The following SERINC2 variants were observed in gnomAD, a reference collection of about 807,000 sequenced individuals.
SERINC2 encodes the protein tumor differentially expressed protein 2.
Under a neutral mutation model 54.2 loss-of-function variants are expected in SERINC2, and 56 were observed. The observed-to-expected ratio is 1.03, with a 90% CI of 0.83 to 1.29. SERINC2 has a LOEUF of 1.29. Among genes scored for constraint, SERINC2 ranks in the 50% most tolerant of loss-of-function variants. SERINC2 has a pLI of 0.00. For synonymous variants in SERINC2, 272 were observed against 253.1 expected, an observed-to-expected ratio of 1.07 and a Z score of -0.71; for missense variants, 614 against 607.4, an observed-to-expected ratio of 1.01 and a Z score of -0.12.
rs782263585 is a variant in SERINC2 at position 31,426,754 on chromosome 1, G to T, written c.711G>T (p.Lys237Asn). 3 of 1,614,162 alleles carry T rather than the reference G, an allele frequency of 1.9e-6. No homozygotes were observed. Reference protein sequence around the residue: ...YTEPSGCHEGKVFISLNLTFC... With the variant: ...YTEPSGCHEGNVFISLNLTFC... ...AGCCCAGCGGCTGCCACGAGGGCAAGGTCTTCATCAGCCTCAACCTCACCT... is the reference window on the plus strand; with the variant it reads ...AGCCCAGCGGCTGCCACGAGGGCAATGTCTTCATCAGCCTCAACCTCACCT... The change falls in exon 6 of 10, where the codon AAG becomes AAT. Residue 237 changes from lysine to asparagine, a missense_variant. Transcript: ENST00000373709.
At chr1:31,411,602 G>T (rs1182789709), upstream of SERINC2, among the ~76,000 whole-genome samples, 1 of 152,108 alleles carries the variant, frequency 6.6e-6, no homozygotes, top group Non-Finnish European at 1.5e-5. Flanking sequence ...ATGGAACCAG[G>T]TAGTGGGTTG....
chr1:31,425,513 C>G, intron 4 of SERINC2, 104 bp downstream of exon 4: 1 of 966,896 alleles, frequency 1.0e-6, no homozygotes, highest in Non-Finnish European at 1.7e-6. Context: ...ACACAGACCC[C>G]TGGCTGCTGG....
chr1:31,424,729 A>G lies in SERINC2; in HGVS notation c.248A>G (p.Gln83Arg). The G allele has an allele frequency of 6.2e-7, 1 of 1,609,904 alleles. No individual in the cohort carries two copies. The highest frequency in any genetic ancestry group is 8.5e-7 in the Non-Finnish European group (1 of 1,178,396). The change falls in exon 3 of 10, where the codon CAG becomes CGG. Residue 83 changes from glutamine to arginine, a missense_variant. By Grantham distance (43) the Gln-to-Arg change is conservative. Transcript: ENST00000373709. ...GGGGCCGGGATCCCCACCGTCCTGCAGGGCCACATCGACTGTGGCTCCCTG... is the reference window on the plus strand; with the variant it reads ...GGGGCCGGGATCCCCACCGTCCTGCGGGGCCACATCGACTGTGGCTCCCTG... ...EEGAGIPTVL[Q>R]GHIDCGSLLG...
intron 8 of SERINC2, among the ~76,000 whole-genome samples, chr1:31,432,046 GAC>G (rs1553134676): frequency 3.8e-5 from 5 of 132,696 alleles, no homozygotes; most frequent in African/African-American, 6.1e-5. Flanking sequence ...GGACAGGGTG[GAC>G]AGGGTGGACA....
intron 3 of SERINC2, 96 bp from the exon 4 acceptor site, chr1:31,425,234 G>A: frequency 2.2e-6 from 2 of 926,476 alleles, no homozygotes; most frequent in South Asian, 1.3e-5. Context: ...AGCACCTGCT[G>A]TTTGTGGGTG....
At chr1:31,425,139 C>A (rs1353807888) in intron 3 of SERINC2, among the ~76,000 whole-genome samples, 191 bp from the exon 4 acceptor site, 2 of 152,122 alleles carry the variant, frequency 1.3e-5, no homozygotes, top group African/African-American at 4.8e-5. Context: ...TTGGTCCTTC[C>A]TCCTGCCCCT....
rs574365822 is a variant in SERINC2 at position 31,424,734 on chromosome 1, C to T, written c.253C>T (p.His85Tyr). Residue 85 changes from histidine to tyrosine, a missense_variant, in exon 3 of 10, where the codon CAC (histidine) becomes TAC (tyrosine). Physicochemically the swap from His to Tyr is moderately conservative, Grantham distance 83. Transcript: ENST00000373709. ...CGGGATCCCCACCGTCCTGCAGGGCCACATCGACTGTGGCTCCCTGCTTGG... is the reference window on the plus strand; with the variant it reads ...CGGGATCCCCACCGTCCTGCAGGGCTACATCGACTGTGGCTCCCTGCTTGG... ...GAGIPTVLQG[H>Y]IDCGSLLGYR... 8.6e-5 allele frequency: 139 copies of T among 1,610,170 alleles called. 5 individuals are homozygous for T. In the South Asian group the frequency reaches 1.5e-3, roughly 17 times the overall value.
In SERINC2 at chr1:31,413,253, G is replaced by A. The variant is rs557957269; in HGVS notation, c.-13G>A. The A allele has an allele frequency of 1.7e-6, 2 of 1,191,586 alleles. No individual in the cohort carries two copies. The highest frequency in any genetic ancestry group is 4.4e-5 in the Admixed American group (1 of 22,560). The allele number at this position is 1,191,586 out of a possible 1,614,324, so 73.8% of individuals were successfully genotyped here. ...CGCCCGGCGCCGGGCGCCCGAAGCC[G>A]GGAGCCGCCGCCATGGGGGCCTGCC... On this transcript the variant is annotated 5_prime_UTR_variant, in exon 1 of 10. Coordinates refer to ENST00000373709, the MANE Select transcript of SERINC2 (RefSeq NM_178865.5). This position sits in a 1 kb window ranked among gnomAD's most constrained non-coding sequence, Gnocchi z 5.0.
At chr1:31,428,858 G>T (rs1641114170) in intron 6 of SERINC2, 120 bp from the exon 7 acceptor site, 3 of 757,748 alleles carry the variant, frequency 4.0e-6, no homozygotes, top group Non-Finnish European at 7.0e-6. Context: ...CCTAAGTGGG[G>T]TGTGGTGGGG....
chr1:31,421,536 A>G (rs1640901606), intron 1 of SERINC2, among the ~76,000 whole-genome samples: 1 of 152,236 alleles, frequency 6.6e-6, no homozygotes, highest in African/African-American at 2.4e-5. Context: ...CATCTGTGTG[A>G]ACGAGAGATA....
chr1:31,414,188 G>T (rs1350301402), intron 1 of SERINC2: 8 of 1,369,184 alleles, frequency 5.8e-6, no homozygotes, highest in African/African-American at 1.5e-5. Context: ...GCCAACCTCT[G>T]TTCTGTAGCT....
intron 1 of SERINC2, chr1:31,414,621 A>G (rs1640740076): frequency 1.0e-6 from 1 of 985,488 alleles, no homozygotes; most frequent in South Asian, 4.7e-5. Context: ...GTGCGTGTGC[A>G]TGTGCGTGTG....
intron 8 of SERINC2, 80 bp downstream of exon 8, chr1:31,429,618 G>A: frequency 6.9e-7 from 1 of 1,447,228 alleles, no homozygotes. Flanking sequence ...TGGGAGCCAG[G>A]ATACCAAACT....
chr1:31,427,490 C>T (rs10914384), intron 6 of SERINC2, among the ~76,000 whole-genome samples: 116,022 of 152,106 alleles, frequency 0.76, 47,805 homozygotes, highest in East Asian at 1. Flanking sequence ...GTAAGAAAAG[C>T]TGAAGCCCAG....
At chr1:31,415,468 A>G (rs1329310872) in intron 1 of SERINC2, among the ~76,000 whole-genome samples, 1 of 152,180 alleles carries the variant, frequency 6.6e-6, no homozygotes, top group East Asian at 1.9e-4. Context: ...AGCCCATTTT[A>G]CAGATAACTA....
chr1:31,414,245 C>A, intron 1 of SERINC2: 3 of 1,343,568 alleles, frequency 2.2e-6, no homozygotes, highest in Non-Finnish European at 2.8e-6. Flanking sequence ...GCTGGGAGGC[C>A]CGTTCTCCCT....
At chr1:31,410,371 T>A, upstream of SERINC2, 1 of 1,546,998 alleles carries the variant, frequency 6.5e-7, no homozygotes, top group South Asian at 1.2e-5. Flanking sequence ...AAAAAACTTA[T>A]CTTTATTTTA....
At position 31,432,118 on chromosome 1, in the gene SERINC2, GTT is replaced by G. The variant is rs1557501377; in HGVS notation, c.1014-848_1014-847del. On this transcript the variant is annotated intron_variant, in intron 8 of 9. Transcript: ENST00000373709. ...CAGGGTGGACAGGGTGGATAGGGTG[GTT>G]AGGGTGGATAGGGTGGACAGGGTGG... is the stretch of plus-strand genomic sequence containing the variant. 2.9e-4 allele frequency among the ~76,000 whole-genome samples: 37 copies of G among 125,862 alleles called. 3 individuals are homozygous for G. Among genetic ancestry groups the G allele is most frequent in the South Asian group, 8.5e-4 (3 of 3,520 alleles). The allele number at this position is 125,862 out of a possible 152,430, so 82.6% of individuals were successfully genotyped here. A position where few individuals can be genotyped will look rare whatever the true frequency, so the allele number is the denominator to read the frequency against.
intron 1 of SERINC2, among the ~76,000 whole-genome samples, chr1:31,416,972 G>A (rs1296049753): frequency 6.6e-6 from 1 of 152,110 alleles, no homozygotes; most frequent in African/African-American, 2.4e-5. Context: ...CACTGGCCTC[G>A]GCCTCCCAAA....
Sources: allele counts gnomAD v4.1 joint callset (sites outside exome capture counted in the v4.1 genomes callset), GRCh38; gene constraint gnomAD v4.1.1; non-coding constraint Gnocchi (gnomAD v3.1); transcripts MANE v1.5; gene names NCBI Gene and HGNC (gene_info 2026-07-23, HGNC 2026-07-21).